MAK: variants seen among roughly 807,000 people sequenced by gnomAD.
MAK encodes male germ cell associated kinase, also known as serine/threonine-protein kinase MAK.
A neutral mutation model predicts 82.6 loss-of-function variants in MAK; 65 were observed. The ratio of observed to expected loss-of-function variants is 0.79; its 90% confidence interval spans 0.64 to 0.97. The LOEUF (loss-of-function observed/expected upper bound fraction) is 0.97. Ranked by LOEUF, MAK falls within the 50% of genes least tolerant of loss-of-function variation. MAK has a pLI of 0.00. For missense variants in MAK, 703 were observed against 780.2 expected (o/e 0.90, Z 1.18); for synonymous variants, 250 against 274.2 (o/e 0.91, Z 0.87).
rs1291266849 is a variant in MAK, at chr6:10,808,895, G to T, written c.406C>A (p.Pro136Thr). The change falls in exon 6 of 15, where the codon CCA becomes ACA. Residue 136 changes from proline to threonine, a missense_variant. Physicochemically the swap from Pro to Thr is conservative, Grantham distance 38 (BLOSUM62 -1). Transcript: ENST00000354489. ...AAATCAGCAATTTTCACAAGCTCTG[G>T]ACCCATACAAAGCAAGTTTTCTGGT... Reference protein sequence around the residue: ...MKPENLLCMGPELVKIADFGL... With the variant: ...MKPENLLCMGTELVKIADFGL... The T allele has an allele frequency of 1.2e-5, 19 of 1,613,304 alleles. No individual in the cohort carries two copies. The highest frequency in any genetic ancestry group is 1.6e-5 in the Non-Finnish European group (19 of 1,179,692).
intron 10 of MAK, among the ~76,000 whole-genome samples, chr6:10,788,048 T>C (rs187441578): frequency 0.013 from 2,009 of 152,128 alleles, 48 homozygotes; most frequent in African/African-American, 0.045. Context: ...TGTCTCGCTC[T>C]GTTGCCCAGG....
chr6:10,806,834 T>C (rs1776501706), intron 6 of MAK, among the ~76,000 whole-genome samples: 1 of 151,784 alleles, frequency 6.6e-6, no homozygotes, highest in South Asian at 2.1e-4. Flanking sequence ...AAAACCCACA[T>C]CAGAAGCCAA....
intron 6 of MAK, among the ~76,000 whole-genome samples, chr6:10,807,896 C>T (rs1254101662): frequency 2.6e-5 from 4 of 151,834 alleles, no homozygotes; most frequent in African/African-American, 7.3e-5. Flanking sequence ...GGTGAAACCA[C>T]GTCTCTACTA....
chr6:10,773,651 A>G (rs186197766), intron 12 of MAK, among the ~76,000 whole-genome samples: 1 of 151,666 alleles, frequency 6.6e-6, no homozygotes, highest in East Asian at 1.9e-4. Flanking sequence ...TTTCTGACAT[A>G]TTGTAACTAT....
chr6:10,775,955 A>G (rs531185620), intron 11 of MAK, among the ~76,000 whole-genome samples: 5 of 152,030 alleles, frequency 3.3e-5, no homozygotes, highest in South Asian at 2.1e-4. Context: ...TGCTTGGCTA[A>G]TTTTTGTATT....
intron 9 of MAK, 21 bp from the exon 10 acceptor site, chr6:10,791,868 T>C (rs1775120716): frequency 6.2e-7 from 1 of 1,613,504 alleles, no homozygotes; most frequent in Admixed American, 1.7e-5. Flanking sequence ...AAATCAGTCA[T>C]CATAATCTTT....
rs1378078727 is a variant in MAK, at chr6:10,815,911, AGTATATATATATATAT to A, written c.278+1923_278+1938del. ...GTACTGTATTAGTGTAGCTTTATAC[AGTATATATATATATAT>A]ATATATATATATATATATATGTATG... On this transcript the variant is annotated intron_variant, in intron 4 of 14. Transcript: ENST00000354489. Among the ~76,000 whole-genome samples the A allele has an allele frequency of 1.3e-3, 103 of 78,188 alleles. 4 individuals are homozygous for A. In the South Asian group the frequency reaches 0.041, roughly 31 times the overall value. 51.3% of individuals were successfully genotyped at this position (78,188 alleles called of 152,430 possible).
chr6:10,815,062 A>G (rs1777361705), intron 4 of MAK, among the ~76,000 whole-genome samples: 1 of 151,988 alleles, frequency 6.6e-6, no homozygotes, highest in Non-Finnish European at 1.5e-5. Context: ...AAAGAAAGAA[A>G]TATATATGAG....
At chr6:10,820,590 C>A (rs890057632) in intron 2 of MAK, among the ~76,000 whole-genome samples, 4 of 152,114 alleles carry the variant, frequency 2.6e-5, no homozygotes, top group African/African-American at 9.7e-5. Context: ...TCATGTTTAC[C>A]AATATCTATG....
At position 10,793,133 on chromosome 6, in the gene MAK, C is replaced by CAA. The variant is rs1775224428; in HGVS notation, c.1144-1288_1144-1287dup. 6.6e-6 allele frequency among the ~76,000 whole-genome samples: 1 copy of CAA among 151,984 alleles called. No homozygotes were observed. Among genetic ancestry groups the CAA allele is most frequent in the East Asian group, 1.9e-4 (1 of 5,192 alleles). On this transcript the variant is annotated intron_variant, in intron 9 of 14. Transcript: ENST00000354489. The surrounding 1 kb of genome is among the most constrained non-coding windows in gnomAD (Gnocchi z 4.6). ...AGGATGAGGGCAAAGATTCTAAAAT[C>CAA]AATTATTAAAGGGGATGTTTGTGAG... is the stretch of plus-strand genomic sequence containing the variant.
chr6:10,785,193 C>G (rs1774429680), intron 10 of MAK, among the ~76,000 whole-genome samples: 1 of 152,146 alleles, frequency 6.6e-6, no homozygotes, highest in Non-Finnish European at 1.5e-5. Flanking sequence ...TCCCACAGTC[C>G]TGTTTCTGTG....
rs1772201006 is a variant in MAK, at chr6:10,764,408, C to T, written c.*44G>A. 13 of 1,598,664 alleles carry T rather than the reference C, an allele frequency of 8.1e-6. No individual in the cohort carries two copies. Among genetic ancestry groups the T allele is most frequent in the Non-Finnish European group, 9.4e-6 (11 of 1,167,756 alleles). ...ATTTCCCAGGGTCAAGGAACTTGCACGTACTCTACGGAGCAATGCTGTAGG... is the reference window on the plus strand; with the variant it reads ...ATTTCCCAGGGTCAAGGAACTTGCATGTACTCTACGGAGCAATGCTGTAGG... On this transcript the variant is annotated 3_prime_UTR_variant, in exon 15 of 15. Coordinates refer to ENST00000354489, the MANE Select transcript of MAK (RefSeq NM_001242957.3).
intron 11 of MAK, among the ~76,000 whole-genome samples, chr6:10,781,251 T>C (rs919383498): frequency 2.6e-5 from 4 of 152,148 alleles, no homozygotes; most frequent in Non-Finnish European, 5.9e-5. Context: ...GTGAGTGTCA[T>C]GATGTGACAA....
intron 14 of MAK, 46 bp downstream of exon 14, chr6:10,770,065 C>T (rs1419936853): frequency 6.2e-7 from 1 of 1,613,908 alleles, no homozygotes; most frequent in South Asian, 1.1e-5. Context: ...GGAAAATGTT[C>T]CTTTCTGCTA....
intron 10 of MAK, chr6:10,784,863 G>A: frequency 1.8e-6 from 1 of 550,228 alleles, no homozygotes; most frequent in Non-Finnish European, 3.5e-6. Flanking sequence ...GGCTGCAGTT[G>A]GATTCATAAC....
chr6:10,775,609 T>G (rs894246344), intron 11 of MAK, 150 bp from the exon 12 acceptor site: 2 of 849,436 alleles, frequency 2.4e-6, no homozygotes, highest in Non-Finnish European at 3.8e-6. Flanking sequence ...ACTTGCTTTC[T>G]GATGAACCCT....
At chr6:10,836,597 C>CA in intron 1 of MAK, among the ~76,000 whole-genome samples, 1 of 152,194 alleles carries the variant, frequency 6.6e-6, no homozygotes, top group Non-Finnish European at 1.5e-5. Context: ...CCATGGTTCT[C>CA]CAGTTCACGC....
At chr6:10,821,779 G>A (rs1777953976) in intron 2 of MAK, among the ~76,000 whole-genome samples, 1 of 151,602 alleles carries the variant, frequency 6.6e-6, no homozygotes, top group South Asian at 2.1e-4. Flanking sequence ...AGGCTGTAGT[G>A]TGCTATAACC....
At chr6:10,769,990 G>A in intron 14 of MAK, 121 bp downstream of exon 14, 1 of 1,570,624 alleles carries the variant, frequency 6.4e-7, no homozygotes, top group Admixed American at 1.7e-5. Flanking sequence ...AAAAAGAAAT[G>A]CGTTAATGAG....
Sources: allele counts gnomAD v4.1 joint callset (sites outside exome capture counted in the v4.1 genomes callset), GRCh38; gene constraint gnomAD v4.1.1; non-coding constraint Gnocchi (gnomAD v3.1); transcripts MANE v1.5; gene names NCBI Gene and HGNC (gene_info 2026-07-23, HGNC 2026-07-21).